The following OXCT1 variants were observed in gnomAD, a reference collection of about 807,000 sequenced individuals.
OXCT1 encodes 3-oxoacid CoA-transferase 1.
OXCT1 carries 27 observed loss-of-function variants against 69.6 expected under a neutral mutation model. The ratio of observed to expected loss-of-function variants is 0.39; its 90% CI spans 0.29 to 0.54. The LOEUF (loss-of-function observed/expected upper bound fraction) is 0.54. OXCT1 is among the 20% of genes least tolerant of loss of function. The probability of loss-of-function intolerance (pLI) is 0.72; values close to 1 mark genes in which losing one functional copy is unlikely to be tolerated. For missense variants in OXCT1, 437 were observed against 650.2 expected, an observed-to-expected ratio of 0.67 and a Z score of 3.57; for synonymous variants, 202 against 217.8, an observed-to-expected ratio of 0.93 and a Z score of 0.64.
chr5:41,833,123 G>C (rs1217554489), intron 7 of OXCT1, among the ~76,000 whole-genome samples: 2 of 152,110 alleles, frequency 1.3e-5, no homozygotes, highest in African/African-American at 4.8e-5. Context: ...CCCAAACCTA[G>C]AGAAAGATAA....
rs139032897 is a variant in OXCT1, at chr5:41,767,331, C to T, written c.1249-5131G>A. On this transcript the variant is annotated intron_variant, in intron 13 of 16. Transcript: ENST00000196371. ...ATTATGTAAACCAACTAATATGGAA[C>T]GAGAAATATAATTATATTCTCTATT... 2.2e-4 allele frequency among the ~76,000 whole-genome samples: 34 copies of T among 151,880 alleles called. No individual in the cohort carries two copies. In the East Asian group the frequency reaches 3.7e-3, roughly 16 times the overall value.
At chr5:41,844,961 AC>A (rs1748823040) in intron 5 of OXCT1, among the ~76,000 whole-genome samples, 1 of 151,188 alleles carries the variant, frequency 6.6e-6, no homozygotes, top group South Asian at 2.1e-4. Flanking sequence ...AAAAAAAAGA[AC>A]CACCACCCCA....
At chr5:41,754,651 C>G (rs1423787954) in intron 14 of OXCT1, among the ~76,000 whole-genome samples, 1 of 152,094 alleles carries the variant, frequency 6.6e-6, no homozygotes, top group Admixed American at 6.6e-5. Context: ...AATGAGATTA[C>G]TCACACTGCA....
intron 1 of OXCT1, among the ~76,000 whole-genome samples, chr5:41,866,863 C>G (rs1876653): frequency 0.18 from 27,711 of 152,104 alleles, 2,732 homozygotes; most frequent in Middle Eastern, 0.28. Flanking sequence ...ACTAGAAAAC[C>G]AAAGTTTGCC....
chr5:41,743,576 T>A (rs13171121), intron 15 of OXCT1, among the ~76,000 whole-genome samples: 27,607 of 152,042 alleles, frequency 0.18, 2,690 homozygotes, highest in Middle Eastern at 0.28. Flanking sequence ...CTGAATGGTG[T>A]TGCCTAGGTT....
At chr5:41,807,616 A>G (rs1746749683) in intron 7 of OXCT1, among the ~76,000 whole-genome samples, 178 bp from the exon 8 acceptor site, 1 of 152,062 alleles carries the variant, frequency 6.6e-6, no homozygotes, top group Non-Finnish European at 1.5e-5. Flanking sequence ...CACCTCCTGG[A>G]CCCACAAAAG....
intron 7 of OXCT1, among the ~76,000 whole-genome samples, chr5:41,839,323 A>G: frequency 6.6e-6 from 1 of 152,264 alleles, no homozygotes; most frequent in East Asian, 1.9e-4. Context: ...ACAGTTTTAC[A>G]GAAATACAGG....
intron 7 of OXCT1, among the ~76,000 whole-genome samples, chr5:41,835,325 T>C (rs1437686796): frequency 6.6e-6 from 1 of 152,220 alleles, no homozygotes; most frequent in Non-Finnish European, 1.5e-5. Context: ...ATACACCTAC[T>C]ATGTATCCAC....
chr5:41,798,134 T>A (rs1311592393), intron 11 of OXCT1, among the ~76,000 whole-genome samples: 1 of 152,036 alleles, frequency 6.6e-6, no homozygotes, highest in South Asian at 2.1e-4. Context: ...TAAAATCTCA[T>A]GAAAGACACA....
intron 14 of OXCT1, among the ~76,000 whole-genome samples, chr5:41,758,850 T>A (rs1241492526): frequency 2.0e-5 from 3 of 152,006 alleles, no homozygotes; most frequent in Non-Finnish European, 2.9e-5. Flanking sequence ...TCATAAATAC[T>A]CAAATCCCAC....
chr5:41,841,848 A>C (rs1172541623), intron 6 of OXCT1, among the ~76,000 whole-genome samples: 1 of 152,250 alleles, frequency 6.6e-6, no homozygotes. Context: ...TTAATATCAC[A>C]TAAGTCCTTC....
At chr5:41,867,135 TG>T (rs140994555) in intron 1 of OXCT1, among the ~76,000 whole-genome samples, 5,543 of 152,302 alleles carry the variant, frequency 0.036, 142 homozygotes, top group Non-Finnish European at 0.053. Context: ...TTTGGTTACA[TG>T]AGTAAGTTCT....
At chr5:41,825,896 A>T (rs1294169136) in intron 7 of OXCT1, among the ~76,000 whole-genome samples, 1 of 152,362 alleles carries the variant, frequency 6.6e-6, no homozygotes, top group East Asian at 1.9e-4. Flanking sequence ...TATTCAGCAC[A>T]AGCAAGTTTT....
chr5:41,755,948 T>C (rs1185968647), intron 14 of OXCT1, among the ~76,000 whole-genome samples: 1 of 152,082 alleles, frequency 6.6e-6, no homozygotes, highest in Admixed American at 6.6e-5. Context: ...CAGATGAGTA[T>C]AAAGATCGCT....
intron 1 of OXCT1, among the ~76,000 whole-genome samples, chr5:41,865,145 T>C (rs571718516): frequency 6.6e-6 from 1 of 152,332 alleles, no homozygotes; most frequent in South Asian, 2.1e-4. Context: ...TAAGTTGCTA[T>C]TGACTATAGT....
chr5:41,738,957 G>T (rs553803065), intron 16 of OXCT1, among the ~76,000 whole-genome samples: 1 of 152,294 alleles, frequency 6.6e-6, no homozygotes, highest in South Asian at 2.1e-4. Context: ...ATGAAATATG[G>T]CATAGAATTT....
chr5:41,763,534 T>C (rs569943830), intron 13 of OXCT1, among the ~76,000 whole-genome samples: 1 of 152,250 alleles, frequency 6.6e-6, no homozygotes, highest in East Asian at 1.9e-4. Flanking sequence ...AAAATATAAA[T>C]AAGTCAGAGA....
intron 11 of OXCT1, among the ~76,000 whole-genome samples, chr5:41,798,510 C>T (rs187071004): frequency 6.6e-6 from 1 of 152,234 alleles, no homozygotes; most frequent in African/African-American, 2.4e-5. Flanking sequence ...CAAAAATGTC[C>T]TCAGACATTG....
chr5:41,777,146 G>A (rs886271292), intron 13 of OXCT1, among the ~76,000 whole-genome samples: 7 of 152,092 alleles, frequency 4.6e-5, no homozygotes, highest in Non-Finnish European at 7.4e-5. Context: ...GGCCGGGTGC[G>A]GTGGCTTATG....
Sources: allele counts gnomAD v4.1 joint callset (sites outside exome capture counted in the v4.1 genomes callset), GRCh38; gene constraint gnomAD v4.1.1; transcripts MANE v1.5; gene names NCBI Gene and HGNC (gene_info 2026-07-23, HGNC 2026-07-21).